Variants in GRIN2A observed in about 807,000 individuals in gnomAD.
GRIN2A encodes glutamate receptor ionotropic, NMDA 2A.
GRIN2A carries 22 observed loss-of-function variants against 113.4 expected under a neutral mutation model. The ratio of observed to expected loss-of-function variants is 0.19; its 90% CI spans 0.14 to 0.28. GRIN2A has a LOEUF of 0.28. GRIN2A is among the 10% of genes least tolerant of loss of function. GRIN2A has a pLI of 1.00. For synonymous variants in GRIN2A, 827 were observed against 738.4 expected (o/e 1.12, Z -1.94); for missense variants, 1,502 against 1,887.0 (o/e 0.80, Z 3.78).
chr16:10,044,007 G>GTGTGTGTATATATATATATA (rs1555469968), intron 2 of GRIN2A, among the ~76,000 whole-genome samples: 1 of 116,926 alleles, frequency 8.6e-6, no homozygotes, highest in African/African-American at 3.3e-5. Flanking sequence ...GTGTGTGTGT[G>GTGTGTGTATATATATATATA]TATATATATA....
In GRIN2A at chr16:9,763,303, C is replaced by G. The variant is rs1456937724; in HGVS notation, c.4241G>C (p.Arg1414Thr). Residue 1414 changes from arginine (R) to threonine (T), a missense_variant, in exon 13 of 13, where the codon AGG (arginine) becomes ACG (threonine). Arg to Thr is a moderately conservative substitution (Grantham distance 71). This residue lies in a region of GRIN2A where 832 missense variants were observed against 789.7 expected (regional missense o/e 1.05). Coordinates refer to ENST00000330684, the MANE Select transcript of GRIN2A (RefSeq NM_001134407.3). The stretch of plus-strand genomic sequence containing the variant: ...CACATCATTGTGGCCCCGACTGTCC[C>G]TGGAACAGTACGATGCCGTTGACCT... ...SLRSTASYCS[R>T]DSRGHNDVYI... The G allele has an allele frequency of 6.2e-7, 1 of 1,614,170 alleles. No individual in the cohort carries two copies. The highest frequency in any genetic ancestry group is 1.1e-5 in the South Asian group (1 of 91,082).
intron 3 of GRIN2A, among the ~76,000 whole-genome samples, chr16:9,894,813 C>G (rs2043770748): frequency 6.6e-6 from 1 of 152,116 alleles, no homozygotes; most frequent in South Asian, 2.1e-4. Context: ...GGAAATCCAC[C>G]CATCCATACA....
At chr16:10,171,959 T>A (rs1341122054) in intron 2 of GRIN2A, among the ~76,000 whole-genome samples, 2 of 152,194 alleles carry the variant, frequency 1.3e-5, no homozygotes, top group Admixed American at 1.3e-4. Flanking sequence ...ATTCAGGCAA[T>A]CTAACTCAAA....
At chr16:9,966,163 T>C (rs1366402270) in intron 2 of GRIN2A, among the ~76,000 whole-genome samples, 1 of 152,200 alleles carries the variant, frequency 6.6e-6, no homozygotes, top group Non-Finnish European at 1.5e-5. Flanking sequence ...GCAGATTTGT[T>C]ACACAGGTAA....
At chr16:10,057,857 CT>C (rs1192519757) in intron 2 of GRIN2A, among the ~76,000 whole-genome samples, 1 of 152,224 alleles carries the variant, frequency 6.6e-6, no homozygotes, top group East Asian at 1.9e-4. Context: ...GCAGACATCA[CT>C]CGTTCATTTT....
chr16:10,087,853 ATTTT>A (rs376085870), intron 2 of GRIN2A, among the ~76,000 whole-genome samples: 1 of 108,456 alleles, frequency 9.2e-6, no homozygotes, highest in East Asian at 2.7e-4. Context: ...TGCCCAGCTA[ATTTT>A]TTTTTTTTTT....
intron 2 of GRIN2A, among the ~76,000 whole-genome samples, chr16:10,113,737 C>T (rs1469263862): frequency 6.6e-6 from 1 of 152,142 alleles, no homozygotes; most frequent in Non-Finnish European, 1.5e-5. Flanking sequence ...TACACATGCA[C>T]ATCAATGCAC....
chr16:9,927,182 T>G (rs2044484736), intron 3 of GRIN2A, among the ~76,000 whole-genome samples: 1 of 152,200 alleles, frequency 6.6e-6, no homozygotes, highest in African/African-American at 2.4e-5. Flanking sequence ...CAAATTTTAT[T>G]GAGACTTCAT....
intron 2 of GRIN2A, among the ~76,000 whole-genome samples, chr16:9,950,021 G>T (rs752615073): frequency 2.0e-5 from 3 of 152,170 alleles, no homozygotes; most frequent in Non-Finnish European, 4.4e-5. Context: ...AGGCAGGAAA[G>T]TAATAAACAA....
chr16:10,179,972 G>C (rs2142387021), intron 2 of GRIN2A, 26 bp downstream of exon 2: 1 of 1,607,798 alleles, frequency 6.2e-7, no homozygotes, highest in African/African-American at 1.3e-5. Flanking sequence ...CCCAGGTCCT[G>C]GCAGGGCATC....
In GRIN2A at chr16:9,898,286, T is replaced by G. The variant is rs370088176; in HGVS notation, c.1008-7186A>C. On this transcript the variant is annotated intron_variant, in intron 3 of 12. Coordinates refer to ENST00000330684, the MANE Select transcript of GRIN2A (RefSeq NM_001134407.3). ...TAACACCCTACTACAAATGCAATGC[T>G]TTTTAAAGCCATGCTTCCCCTTGCC... Among the ~76,000 whole-genome samples the G allele has an allele frequency of 1.2e-3, 185 of 152,306 alleles. 2 individuals are homozygous for G. Among genetic ancestry groups the G allele is most frequent in the African/African-American group, 4.1e-3 (171 of 41,564 alleles).
intron 4 of GRIN2A, among the ~76,000 whole-genome samples, chr16:9,889,317 C>G (rs2043647253): frequency 6.6e-6 from 1 of 151,962 alleles, no homozygotes; most frequent in Non-Finnish European, 1.5e-5. Flanking sequence ...GTGATAGTCC[C>G]TCTTGCATTT....
Position 10,180,082 on chromosome 16 carries a change from G to A in GRIN2A, c.330C>T (p.Ala110=), listed in dbSNP as rs2142388241. ...GGGAGGAGATAAAATCCAGCATCTG[G>A]GCTACGGCCTCCTGGTCCGTGTCGT... ...FGDDTDQEAV[A]QMLDFISSHT... Residue 110 remains alanine, a synonymous_variant, in exon 2 of 13, where the codon GCC becomes GCT. Coordinates refer to ENST00000330684, the MANE Select transcript of GRIN2A (RefSeq NM_001134407.3). The surrounding 1 kb of genome is among the most constrained non-coding windows in gnomAD (Gnocchi z 7.0). 1 of 1,614,174 alleles carries A rather than the reference G, an allele frequency of 6.2e-7. No individual in the cohort carries two copies.
chr16:9,839,254 C>T (rs1012021000), intron 7 of GRIN2A, among the ~76,000 whole-genome samples: 1 of 152,084 alleles, frequency 6.6e-6, no homozygotes, highest in African/African-American at 2.4e-5. Context: ...ACAACACTTT[C>T]CTTTAAAGAC....
At chr16:10,011,181 C>G (rs980616560) in intron 2 of GRIN2A, among the ~76,000 whole-genome samples, 5 of 152,164 alleles carry the variant, frequency 3.3e-5, no homozygotes, top group African/African-American at 1.2e-4. Context: ...TTGAAGATGG[C>G]TCTTATCAGT....
intron 2 of GRIN2A, among the ~76,000 whole-genome samples, chr16:10,063,046 A>T (rs1368329329): frequency 6.6e-6 from 1 of 152,200 alleles, no homozygotes; most frequent in Admixed American, 6.5e-5. Context: ...CACAGCCATA[A>T]AAAAGAACAA....
rs550993702 is a variant in GRIN2A, at chr16:9,976,634, G to A, written c.415-38083C>T. On this transcript the variant is annotated intron_variant, in intron 2 of 12. Transcript: ENST00000330684. ...CAAGAACACTTAGAGCCAAGTTTGT[G>A]CTGTCTTTTTAACACGACTAATACC... 2.0e-5 allele frequency among the ~76,000 whole-genome samples: 3 copies of A among 152,164 alleles called. No individual in the cohort carries two copies. The East Asian group carries it at 5.8e-4, about 29-fold the overall frequency.
At chr16:9,913,484 T>C (rs1297822953) in intron 3 of GRIN2A, among the ~76,000 whole-genome samples, 1 of 152,200 alleles carries the variant, frequency 6.6e-6, no homozygotes, top group African/African-American at 2.4e-5. Context: ...TGAAACAAGT[T>C]TCTTTATGTT....
At chr16:10,123,797 G>T (rs185105471) in intron 2 of GRIN2A, among the ~76,000 whole-genome samples, 10 of 152,264 alleles carry the variant, frequency 6.6e-5, no homozygotes, top group Admixed American at 5.2e-4. Context: ...AGACTACCTG[G>T]GTTTGCATCC....
Sources: gnomAD v4.1 joint callset for allele counts (sites outside exome capture counted in the v4.1 genomes callset) on GRCh38, gnomAD v4.1.1 for gene constraint, gnomAD v4.1.1 regional missense constraint, Gnocchi (gnomAD v3.1) non-coding constraint, MANE v1.5 for transcripts, NCBI Gene and HGNC (gene_info 2026-07-23, HGNC 2026-07-21) for gene names.